Variants in TSPAN5 observed in about 807,000 individuals in gnomAD.
TSPAN5 encodes the protein tetraspanin 5.
In TSPAN5, 10 loss-of-function variants were observed where a neutral mutation model predicts 37.1. The observed-to-expected ratio is 0.27, with a 90% confidence interval of 0.17 to 0.46. The LOEUF is 0.46. TSPAN5 is among the 20% of genes least tolerant of loss of function. The pLI, the probability that TSPAN5 is intolerant of heterozygous loss-of-function variation, is 1.00. For synonymous variants in TSPAN5, 110 were observed against 118.9 expected (o/e 0.93, Z 0.48); for missense variants, 195 against 326.6 (o/e 0.60, Z 3.11).
At chr4:98,634,825 T>A (rs1222366019) in intron 1 of TSPAN5, among the ~76,000 whole-genome samples, 1 of 152,182 alleles carries the variant, frequency 6.6e-6, no homozygotes, top group African/African-American at 2.4e-5. Flanking sequence ...TGAAAGGGAT[T>A]ATAAACCCAA....
At chr4:98,476,900 G>C (rs998382549) in intron 5 of TSPAN5, among the ~76,000 whole-genome samples, 2 of 152,164 alleles carry the variant, frequency 1.3e-5, no homozygotes, top group Non-Finnish European at 2.9e-5. Flanking sequence ...GTTTTTCAAT[G>C]AGCTTTTAAT....
chr4:98,482,205 A>T (rs748741022), intron 3 of TSPAN5, 30 bp from the exon 4 acceptor site: 1 of 1,604,326 alleles, frequency 6.2e-7, no homozygotes, highest in African/African-American at 1.3e-5. Flanking sequence ...CACAGAGAAC[A>T]GTTATAAGGG....
intron 1 of TSPAN5, among the ~76,000 whole-genome samples, chr4:98,615,511 A>C (rs1016606121): frequency 7.9e-5 from 12 of 152,184 alleles, no homozygotes; most frequent in African/African-American, 2.4e-4. Flanking sequence ...AAAAGAAAAA[A>C]CCTGGCATTA....
intron 2 of TSPAN5, among the ~76,000 whole-genome samples, chr4:98,502,929 T>C (rs1395190627): frequency 1.3e-5 from 2 of 151,652 alleles, no homozygotes; most frequent in Non-Finnish European, 2.9e-5. Context: ...GTGTCTATCC[T>C]GGACCTACTG....
At chr4:98,609,113 T>A (rs1006889066) in intron 1 of TSPAN5, among the ~76,000 whole-genome samples, 1 of 151,334 alleles carries the variant, frequency 6.6e-6, no homozygotes, top group African/African-American at 2.4e-5. Flanking sequence ...CAGGAATGGA[T>A]GCAAAAAAAA....
chr4:98,603,414 G>A (rs1755929720), intron 1 of TSPAN5, among the ~76,000 whole-genome samples: 1 of 152,172 alleles, frequency 6.6e-6, no homozygotes, highest in Non-Finnish European at 1.5e-5. Flanking sequence ...GATTTCTCAA[G>A]TATAAAAGCA....
At chr4:98,481,450 C>T (rs1056048926) in intron 4 of TSPAN5, among the ~76,000 whole-genome samples, 3 of 152,042 alleles carry the variant, frequency 2.0e-5, no homozygotes, top group Non-Finnish European at 2.9e-5. Context: ...GAGAGTGGCC[C>T]GGATTCCACT....
chr4:98,548,211 A>G (rs1754516407), intron 1 of TSPAN5, among the ~76,000 whole-genome samples: 1 of 152,084 alleles, frequency 6.6e-6, no homozygotes, highest in African/African-American at 2.4e-5. Flanking sequence ...ATGGCAAAAA[A>G]TTAGTTCACT....
chr4:98,560,584 T>C (rs1754859416), intron 1 of TSPAN5, among the ~76,000 whole-genome samples: 1 of 152,206 alleles, frequency 6.6e-6, no homozygotes, highest in Non-Finnish European at 1.5e-5. Flanking sequence ...AAATATTCAC[T>C]GAAATGTGAA....
intron 1 of TSPAN5, among the ~76,000 whole-genome samples, chr4:98,649,594 G>A (rs922250167): frequency 3.3e-5 from 5 of 152,216 alleles, no homozygotes; most frequent in Admixed American, 3.3e-4. Flanking sequence ...TACCATTTAT[G>A]AAGCACGTTG....
chr4:98,507,171 AATG>A (rs1385244116), intron 2 of TSPAN5, among the ~76,000 whole-genome samples: 2 of 152,212 alleles, frequency 1.3e-5, no homozygotes, highest in Non-Finnish European at 2.9e-5. Context: ...TATTTACATT[AATG>A]ATGAGTGTAT....
intron 1 of TSPAN5, among the ~76,000 whole-genome samples, chr4:98,542,265 GCTTA>G (rs1754376332): frequency 6.6e-6 from 1 of 152,216 alleles, no homozygotes; most frequent in Non-Finnish European, 1.5e-5. Context: ...GGAGCTGTGT[GCTTA>G]TTCCAGGTGA....
chr4:98,503,722 G>A (rs1753409254), intron 2 of TSPAN5, among the ~76,000 whole-genome samples: 1 of 152,168 alleles, frequency 6.6e-6, no homozygotes, highest in South Asian at 2.1e-4. Context: ...CCTACAACTG[G>A]ATAAACTCCA....
intron 1 of TSPAN5, among the ~76,000 whole-genome samples, chr4:98,553,833 G>A (rs1285228314): frequency 6.6e-6 from 1 of 152,138 alleles, no homozygotes; most frequent in Non-Finnish European, 1.5e-5. Context: ...TTAGGAGGCT[G>A]AGGCAAGTGG....
chr4:98,499,816 A>G (rs1392610743), intron 2 of TSPAN5, among the ~76,000 whole-genome samples: 1 of 151,876 alleles, frequency 6.6e-6, no homozygotes, highest in African/African-American at 2.4e-5. Flanking sequence ...GCCTGCCACC[A>G]TGCCTGGCTG....
In TSPAN5 at chr4:98,546,936, C is replaced by T. The variant is rs568601636; in HGVS notation, c.82-39208G>A. On this transcript the variant is annotated intron_variant, in intron 1 of 7. Transcript: ENST00000305798. Reference sequence around the variant, plus strand: ...GGTGAAGCAGCGATATGAAAGCAATCTGCTGGGTGAGCGCTAATGAGGTCC... The same window carrying T: ...GGTGAAGCAGCGATATGAAAGCAATTTGCTGGGTGAGCGCTAATGAGGTCC... Among the ~76,000 whole-genome samples the T allele has an allele frequency of 5.1e-4, 77 of 152,332 alleles. 1 individual carries two copies. Among genetic ancestry groups the T allele is most frequent in the Admixed American group, 1.4e-3 (21 of 15,306 alleles).
chr4:98,586,316 C>G (rs1466904813), intron 1 of TSPAN5, among the ~76,000 whole-genome samples: 1 of 152,106 alleles, frequency 6.6e-6, no homozygotes, highest in African/African-American at 2.4e-5. Context: ...CCTTTTTCTA[C>G]TAACGACTGA....
chr4:98,563,532 G>A lies in TSPAN5; in HGVS notation c.82-55804C>T, dbSNP rs574364393. 2.6e-5 allele frequency among the ~76,000 whole-genome samples: 4 copies of A among 152,198 alleles called. No homozygotes were observed. The East Asian group carries it at 5.8e-4, about 22-fold the overall frequency. On this transcript the variant is annotated intron_variant, in intron 1 of 7. Coordinates refer to ENST00000305798, the MANE Select transcript of TSPAN5 (RefSeq NM_005723.4). The stretch of plus-strand genomic sequence containing the variant: ...GCCTCCATTTTCTTCATAAAATAAC[G>A]ATGACAATGATGAAAACACCCCTAC...
At chr4:98,624,522 TTTTG>T (rs1215168824) in intron 1 of TSPAN5, among the ~76,000 whole-genome samples, 3 of 152,202 alleles carry the variant, frequency 2.0e-5, no homozygotes, top group African/African-American at 7.2e-5. Flanking sequence ...TTTCTGTGTT[TTTTG>T]TTTGTTTGTT....
Sources: allele counts gnomAD v4.1 joint callset (sites outside exome capture counted in the v4.1 genomes callset), GRCh38; gene constraint gnomAD v4.1.1; transcripts MANE v1.5; gene names NCBI Gene and HGNC (gene_info 2026-07-23, HGNC 2026-07-21).